PTPRD: variants seen among roughly 807,000 people sequenced by gnomAD.
PTPRD encodes receptor-type tyrosine-protein phosphatase delta.
A neutral mutation model predicts 214.5 loss-of-function variants in PTPRD; 34 were observed. The ratio of observed to expected loss-of-function variants is 0.16; its 90% CI spans 0.12 to 0.21. The LOEUF (loss-of-function observed/expected upper bound fraction) is 0.21, where lower values mean the gene tolerates loss of function less well. Ranked by LOEUF, PTPRD falls within the 10% of genes least tolerant of loss-of-function variation. The pLI is 1.00. For synonymous variants in PTPRD, 1,128 were observed against 845.7 expected (o/e 1.33, Z -5.79); for missense variants, 2,545 against 2,398.7 (o/e 1.06, Z -1.27).
At chr9:9,198,553 A>C (rs577672079) in intron 9 of PTPRD, among the ~76,000 whole-genome samples, 3 of 152,094 alleles carry the variant, frequency 2.0e-5, no homozygotes, top group Non-Finnish European at 4.4e-5. Flanking sequence ...AATTTTAGTT[A>C]ATTTCTTCTC....
intron 36 of PTPRD, among the ~76,000 whole-genome samples, chr9:8,393,044 C>G (rs1345629385): frequency 6.6e-6 from 1 of 152,064 alleles, no homozygotes; most frequent in Non-Finnish European, 1.5e-5. Flanking sequence ...TGCTGCTTTC[C>G]AAATGTTTTG....
intron 5 of PTPRD, among the ~76,000 whole-genome samples, chr9:9,773,942 T>C (rs997314115): frequency 6.6e-6 from 1 of 152,234 alleles, no homozygotes; most frequent in African/African-American, 2.4e-5. Flanking sequence ...CATAATATTA[T>C]ATTGCCTGTA....
chr9:10,071,709 A>T (rs2098021017), intron 3 of PTPRD, among the ~76,000 whole-genome samples: 1 of 152,024 alleles, frequency 6.6e-6, no homozygotes, highest in Admixed American at 6.6e-5. Context: ...AATTTATGTG[A>T]CTTGATTTGG....
chr9:8,553,680 A>G (rs2082802053), intron 14 of PTPRD, among the ~76,000 whole-genome samples: 1 of 152,196 alleles, frequency 6.6e-6, no homozygotes, highest in African/African-American at 2.4e-5. Flanking sequence ...CCTTTTGGCT[A>G]AGATCAAGCG....
At chr9:8,907,997 A>C (rs1489983018) in intron 11 of PTPRD, among the ~76,000 whole-genome samples, 3 of 152,200 alleles carry the variant, frequency 2.0e-5, no homozygotes, top group African/African-American at 7.2e-5. Context: ...ATCTAGAAAC[A>C]GTATGGTCAC....
intron 7 of PTPRD, among the ~76,000 whole-genome samples, chr9:9,673,641 C>A (rs1310584885): frequency 1.7e-4 from 26 of 150,742 alleles, no homozygotes; most frequent in Non-Finnish European, 3.0e-5. Context: ...GATAAGATAA[C>A]TAAAAATATT....
At chr9:9,617,031 G>T (rs771750163) in intron 7 of PTPRD, among the ~76,000 whole-genome samples, 1 of 152,114 alleles carries the variant, frequency 6.6e-6, no homozygotes, top group Non-Finnish European at 1.5e-5. Flanking sequence ...TGACCTCCCA[G>T]AATGAACCCC....
At chr9:10,467,600 G>C (rs2099003242) in intron 2 of PTPRD, among the ~76,000 whole-genome samples, 1 of 152,100 alleles carries the variant, frequency 6.6e-6, no homozygotes, top group South Asian at 2.1e-4. Context: ...ATGTGTGATA[G>C]TTGTGATTAA....
intron 7 of PTPRD, among the ~76,000 whole-genome samples, chr9:9,601,106 A>AAT (rs1198448527): frequency 1.0e-5 from 1 of 98,650 alleles, no homozygotes; most frequent in Admixed American, 1.2e-4. Context: ...AAAAGAGATT[A>AAT]ATATATGTGT....
At chr9:10,214,182 A>G (rs893985313) in intron 3 of PTPRD, among the ~76,000 whole-genome samples, 2 of 152,152 alleles carry the variant, frequency 1.3e-5, no homozygotes. Flanking sequence ...TGTGGAAATT[A>G]TACTGTTAAA....
rs2061732298 is a variant in PTPRD, at chr9:10,553,208, A to G, written c.-600+59190T>C. On this transcript the variant is annotated intron_variant, in intron 2 of 45. Transcript: ENST00000381196. ...CAGTCCCCACCCAGGCAGAAAGCAA[A>G]GTAATAATTGCATGTGGAAGATCAT... Among the ~76,000 whole-genome samples the G allele has an allele frequency of 2.0e-5, 3 of 152,196 alleles. No homozygotes were observed. In the South Asian group the frequency reaches 6.2e-4, roughly 31 times the overall value.
At position 9,762,694 on chromosome 9, in the gene PTPRD, T is replaced by A. The variant is rs2098669626; in HGVS notation, c.-326+4116A>T. On this transcript the variant is annotated intron_variant, in intron 6 of 45. Coordinates refer to ENST00000381196, the MANE Select transcript of PTPRD (RefSeq NM_002839.4). ...CATGATCCTCATTTCTACATAAGAC[T>A]TCATCAGAACCGCATATATTTCTTT... Among the ~76,000 whole-genome samples, 4 of 152,350 alleles carry A rather than the reference T, an allele frequency of 2.6e-5. No homozygotes were observed. The South Asian group carries it at 8.3e-4, about 32-fold the overall frequency.
intron 14 of PTPRD, among the ~76,000 whole-genome samples, chr9:8,555,585 G>A (rs1162345026): frequency 6.6e-6 from 1 of 152,214 alleles, no homozygotes; most frequent in East Asian, 1.9e-4. Context: ...TTAAATGGCA[G>A]CAGTATCATC....
chr9:9,083,467 C>T (rs1001781780), intron 10 of PTPRD, among the ~76,000 whole-genome samples: 2 of 152,122 alleles, frequency 1.3e-5, no homozygotes, highest in Non-Finnish European at 2.9e-5. Context: ...AAAACCTAGG[C>T]AATACCATTC....
intron 2 of PTPRD, among the ~76,000 whole-genome samples, chr9:10,568,536 C>A (rs993714959): frequency 4.6e-5 from 7 of 152,154 alleles, no homozygotes; most frequent in Non-Finnish European, 8.8e-5. Context: ...CCCGAGGAAT[C>A]GCCCCACTGA....
intron 30 of PTPRD, among the ~76,000 whole-genome samples, chr9:8,477,833 C>G (rs572584885): frequency 7.2e-5 from 11 of 152,234 alleles, no homozygotes; most frequent in African/African-American, 2.4e-4. Flanking sequence ...CTATTTTGAC[C>G]AATAAACTTA....
rs114705299 is a variant in PTPRD, at chr9:9,285,957, A to T, written c.-202-102594T>A. On this transcript the variant is annotated intron_variant, in intron 9 of 45. Transcript: ENST00000381196. The stretch of plus-strand genomic sequence containing the variant: ...TACATTTTAAATTTCCTGGTCTGCC[A>T]GAGGCATTTCAGACTCAACATGCTC... Among the ~76,000 whole-genome samples the T allele has an allele frequency of 5.3e-3, 802 of 151,924 alleles. 6 individuals carry two copies. The highest frequency in any genetic ancestry group is 0.019 in the African/African-American group (770 of 41,518).
intron 4 of PTPRD, among the ~76,000 whole-genome samples, chr9:10,001,100 A>G (rs906114854): frequency 6.6e-6 from 1 of 151,818 alleles, no homozygotes; most frequent in Admixed American, 6.6e-5. Context: ...TTGACTATTA[A>G]ATTCTCCACT....
chr9:9,331,481 A>G (rs961742088), intron 9 of PTPRD, among the ~76,000 whole-genome samples: 2 of 152,052 alleles, frequency 1.3e-5, no homozygotes, highest in African/African-American at 4.8e-5. Flanking sequence ...GGAGAGCACA[A>G]GTTTTGTAGG....
Sources: allele counts gnomAD v4.1 joint callset (sites outside exome capture counted in the v4.1 genomes callset), GRCh38; gene constraint gnomAD v4.1.1; transcripts MANE v1.5; gene names NCBI Gene and HGNC (gene_info 2026-07-23, HGNC 2026-07-21).